CADPS2: variants seen among roughly 807,000 people sequenced by gnomAD.
The protein encoded by CADPS2 is calcium dependent secretion activator 2, also known as calcium-dependent secretion activator 2.
A neutral mutation model predicts 172.5 loss-of-function variants in CADPS2; 93 were observed. The observed-to-expected ratio is 0.54, with a 90% CI of 0.46 to 0.64. The LOEUF (loss-of-function observed/expected upper bound fraction) is 0.64, where lower values mean the gene tolerates loss of function less well. CADPS2 is among the 30% of genes least tolerant of loss of function. The pLI, the probability that CADPS2 is intolerant of heterozygous loss-of-function variation, is 0.00. For synonymous variants in CADPS2, 546 were observed against 555.2 expected (o/e 0.98, Z 0.23); for missense variants, 1,420 against 1,565.9 (o/e 0.91, Z 1.57).
At chr7:122,702,225 T>TG in intron 2 of CADPS2, 1 of 1,613,850 alleles carries the variant, frequency 6.2e-7, no homozygotes, top group Non-Finnish European at 8.5e-7. Context: ...ACTTCAATGA[T>TG]GACTGTCACA....
chr7:122,645,517 T>C (rs868413729), intron 3 of CADPS2, among the ~76,000 whole-genome samples: 1 of 60,190 alleles, frequency 1.7e-5, no homozygotes, highest in African/African-American at 7.3e-5. Context: ...TATATACTTA[T>C]ATATATATAA....
At chr7:122,608,735 A>C (rs2073920165) in intron 6 of CADPS2, among the ~76,000 whole-genome samples, 1 of 152,180 alleles carries the variant, frequency 6.6e-6, no homozygotes, top group African/African-American at 2.4e-5. Context: ...TATGGGATGA[A>C]GGAGAGACAG....
At position 122,791,341 on chromosome 7, in the gene CADPS2, C is replaced by T. The variant is rs80319677; in HGVS notation, c.340-54273G>A. On this transcript the variant is annotated intron_variant, in intron 1 of 29. Transcript: ENST00000449022. ...AGCTCTTTTGAAAGATACACACACA[C>T]ACTTCTTAAACCTTGCTACTCTTTT... Among the ~76,000 whole-genome samples, 527 of 152,194 alleles carry T rather than the reference C, an allele frequency of 3.5e-3. 4 individuals carry two copies. The highest frequency in any genetic ancestry group is 5.3e-3 in the Non-Finnish European group (358 of 68,012).
intron 29 of CADPS2, among the ~76,000 whole-genome samples, chr7:122,322,540 T>A (rs1485614639): frequency 1.3e-5 from 2 of 152,216 alleles, no homozygotes; most frequent in African/African-American, 2.4e-5. Context: ...AGAGTTCTGT[T>A]CACTTTTTCT....
intron 8 of CADPS2, among the ~76,000 whole-genome samples, chr7:122,543,417 C>T (rs928505439): frequency 2.0e-5 from 3 of 152,094 alleles, no homozygotes; most frequent in Admixed American, 2.0e-4. Flanking sequence ...CAGCAAATTT[C>T]ACTCATTCAC....
intron 27 of CADPS2, among the ~76,000 whole-genome samples, chr7:122,345,916 A>ATATTTT (rs753741025): frequency 1.9e-5 from 1 of 53,584 alleles, no homozygotes; most frequent in African/African-American, 7.5e-5. Context: ...ATCCGTAGAT[A>ATATTTT]TCTTTTTTTT....
intron 1 of CADPS2, among the ~76,000 whole-genome samples, chr7:122,791,208 T>C (rs977581691): frequency 6.6e-6 from 1 of 152,184 alleles, no homozygotes; most frequent in African/African-American, 2.4e-5. Flanking sequence ...CATCACAGTC[T>C]TATATAATAA....
chr7:122,616,027 T>C (rs1036621967), intron 5 of CADPS2, among the ~76,000 whole-genome samples: 2 of 152,104 alleles, frequency 1.3e-5, no homozygotes, highest in Non-Finnish European at 2.9e-5. Flanking sequence ...TTTTTATGTG[T>C]GCTTTTTAAT....
At chr7:122,659,376 T>G (rs1445390367) in intron 3 of CADPS2, among the ~76,000 whole-genome samples, 1 of 148,916 alleles carries the variant, frequency 6.7e-6, no homozygotes, top group Non-Finnish European at 1.5e-5. Context: ...TTAGTGGATT[T>G]GACATTGCTG....
intron 24 of CADPS2, 29 bp from the exon 25 acceptor site, chr7:122,379,471 G>C: frequency 1.4e-6 from 2 of 1,461,990 alleles, no homozygotes; most frequent in Non-Finnish European, 1.9e-6. Flanking sequence ...AAACTCATTA[G>C]TTGACATGGA....
intron 28 of CADPS2, among the ~76,000 whole-genome samples, chr7:122,339,856 G>A (rs2036502529): frequency 6.6e-6 from 1 of 152,178 alleles, no homozygotes; most frequent in Non-Finnish European, 1.5e-5. Flanking sequence ...TTGCACTCCA[G>A]CCTTGGTGAC....
intron 3 of CADPS2, among the ~76,000 whole-genome samples, chr7:122,650,945 A>G (rs7797968): frequency 0.17 from 26,467 of 152,038 alleles, 2,355 homozygotes; most frequent in Admixed American, 0.24. Flanking sequence ...CAAAAATTCT[A>G]TAACAATCTA....
intron 3 of CADPS2, among the ~76,000 whole-genome samples, chr7:122,641,917 A>T (rs1346965151): frequency 6.6e-6 from 1 of 152,114 alleles, no homozygotes; most frequent in Non-Finnish European, 1.5e-5. Flanking sequence ...TGGGTACTCA[A>T]TTAGGAGAAA....
chr7:122,640,286 T>C (rs1414203834), intron 3 of CADPS2, among the ~76,000 whole-genome samples: 1 of 152,198 alleles, frequency 6.6e-6, no homozygotes, highest in Non-Finnish European at 1.5e-5. Context: ...TTTCTCTCCC[T>C]TTCCCTCTTC....
At chr7:122,808,352 T>C (rs1799268762) in intron 1 of CADPS2, among the ~76,000 whole-genome samples, 1 of 152,236 alleles carries the variant, frequency 6.6e-6, no homozygotes, top group Non-Finnish European at 1.5e-5. Flanking sequence ...AAATGTGGTT[T>C]TGCAATATCA....
At chr7:122,498,527 A>AT (rs1254515163) in intron 9 of CADPS2, among the ~76,000 whole-genome samples, 1 of 151,774 alleles carries the variant, frequency 6.6e-6, no homozygotes, top group Admixed American at 6.6e-5. Flanking sequence ...CTTTATGTAT[A>AT]TTTTTTTCAC....
intron 2 of CADPS2, chr7:122,676,544 T>G: frequency 1.7e-6 from 1 of 586,736 alleles, no homozygotes; most frequent in Non-Finnish European, 2.9e-6. Context: ...CAAGCAGCAG[T>G]TGGAGAAGGA....
At chr7:122,532,969 CTAGTGCTTTGCCCA>C in intron 8 of CADPS2, among the ~76,000 whole-genome samples, 1 of 152,044 alleles carries the variant, frequency 6.6e-6, no homozygotes, top group East Asian at 1.9e-4. Flanking sequence ...AATGCCCAAC[CTAGTGCTTTGCCCA>C]TAACATACTC....
chr7:122,662,824 C>A (rs1248752986), intron 3 of CADPS2, among the ~76,000 whole-genome samples: 1 of 152,158 alleles, frequency 6.6e-6, no homozygotes, highest in East Asian at 1.9e-4. Context: ...AATTTAATTA[C>A]TTCCATACAA....
Sources: gnomAD v4.1 joint callset for allele counts (sites outside exome capture counted in the v4.1 genomes callset) on GRCh38, gnomAD v4.1.1 for gene constraint, MANE v1.5 for transcripts, NCBI Gene and HGNC (gene_info 2026-07-23, HGNC 2026-07-21) for gene names.